Variants in SYNPO observed in about 807,000 individuals in gnomAD.
The protein encoded by SYNPO is synaptopodin.
In SYNPO, 19 loss-of-function variants were observed where a neutral mutation model predicts 49.5. The ratio of observed to expected loss-of-function variants is 0.38; its 90% CI spans 0.27 to 0.56. The LOEUF is 0.56. Ranked by LOEUF, SYNPO falls within the 20% of genes least tolerant of loss-of-function variation. The probability of loss-of-function intolerance (pLI) is 0.68; values close to 1 mark genes in which losing one functional copy is unlikely to be tolerated. For synonymous variants in SYNPO, 536 were observed against 548.0 expected, an observed-to-expected ratio of 0.98 and a Z score of 0.31; for missense variants, 1,131 against 1,248.3, an observed-to-expected ratio of 0.91 and a Z score of 1.42.
rs371226112 is a variant in SYNPO, at chr5:150,629,292, C to T, written c.400+10525C>T. 1.5e-3 allele frequency among the ~76,000 whole-genome samples: 221 copies of T among 152,268 alleles called. 1 individual carries two copies. The highest frequency in any genetic ancestry group is 5.2e-3 in the African/African-American group (218 of 41,548). ...GCTTACAGGCATGAGTCACCATGCC[C>T]GGCCTAGGAACAGGTTTTGATGGTG... On this transcript the variant is annotated intron_variant, in intron 2 of 2. Coordinates refer to the SYNPO transcript ENST00000394243.
At chr5:150,629,062 A>C (rs1420843904) in intron 2 of SYNPO, among the ~76,000 whole-genome samples, 1 of 152,044 alleles carries the variant, frequency 6.6e-6, no homozygotes, top group Non-Finnish European at 1.5e-5. Context: ...TCGGCCACCC[A>C]GGCTGGGGTG....
At chr5:150,591,532 G>A in the SYNPO span, among the ~76,000 whole-genome samples, 1 of 152,188 alleles carries the variant, frequency 6.6e-6, no homozygotes, top group African/African-American at 2.4e-5. Context: ...CCCAAGCCCT[G>A]GTCTCTTGGC....
In SYNPO at chr5:150,649,606, C is replaced by T. The variant is rs148818109; in HGVS notation, c.1331C>T (p.Ala444Val). The part of the protein sequence containing the change: ...PAPRDRASPA[A>V]AEEVVPEWAS... Reference sequence around the variant, plus strand: ...CCTCGTGACAGGGCCAGCCCCGCGGCGGCGGAGGAGGTGGTACCAGAGTGG... The same window carrying T: ...CCTCGTGACAGGGCCAGCCCCGCGGTGGCGGAGGAGGTGGTACCAGAGTGG... Residue 444 changes from alanine (A) to valine (V), a missense_variant, in exon 2 of 3, where the codon GCG (alanine) becomes GTG (valine). Transcript: ENST00000307662. 66 of 1,608,948 alleles carry T rather than the reference C, an allele frequency of 4.1e-5. No homozygotes were observed. The highest frequency in any genetic ancestry group is 3.3e-4 in the Admixed American group (20 of 59,908).
chr5:150,612,573 G>T (rs972700475), intron 1 of SYNPO, among the ~76,000 whole-genome samples: 3 of 152,236 alleles, frequency 2.0e-5, no homozygotes, highest in South Asian at 2.1e-4. Flanking sequence ...TGACTCAATC[G>T]CTCACTAGCT....
chr5:150,589,959 AG>A, the SYNPO span, among the ~76,000 whole-genome samples: 18 of 152,188 alleles, frequency 1.2e-4, no homozygotes, highest in Non-Finnish European at 2.4e-4. Context: ...ATCCCCCGCC[AG>A]GGGTGGCTGC....
chr5:150,640,273 AT>A, upstream of SYNPO: 1 of 662,658 alleles, frequency 1.5e-6, no homozygotes, highest in Non-Finnish European at 1.9e-6. Context: ...AATCTGAAGG[AT>A]TAGGGCATGT....
intron 2 of SYNPO, among the ~76,000 whole-genome samples, chr5:150,631,467 T>C (rs982663494): frequency 6.6e-6 from 1 of 152,192 alleles, no homozygotes; most frequent in Non-Finnish European, 1.5e-5. Context: ...AGTGCTGGGC[T>C]GGCCGAGCAC....
intron 1 of SYNPO, among the ~76,000 whole-genome samples, chr5:150,646,436 T>C (rs1758095409): frequency 6.6e-6 from 1 of 152,188 alleles, no homozygotes; most frequent in African/African-American, 2.4e-5. Flanking sequence ...TAGTGGCGTC[T>C]CTTTATAAAA....
At chr5:150,612,393 C>T (rs1039634883) in intron 1 of SYNPO, among the ~76,000 whole-genome samples, 1 of 152,206 alleles carries the variant, frequency 6.6e-6, no homozygotes, top group African/African-American at 2.4e-5. Context: ...GGCAATGTAC[C>T]AGACATCAGA....
chr5:150,645,212 C>T (rs1239302656), intron 1 of SYNPO, among the ~76,000 whole-genome samples: 1 of 152,166 alleles, frequency 6.6e-6, no homozygotes, highest in Non-Finnish European at 1.5e-5. Context: ...GAATTCAGAG[C>T]CTCGCTGGCA....
At chr5:150,641,480 G>A (rs185493038) in intron 1 of SYNPO, among the ~76,000 whole-genome samples, 3 of 152,248 alleles carry the variant, frequency 2.0e-5, no homozygotes, top group Admixed American at 1.3e-4. Context: ...TGACGGCATC[G>A]TGTGAAGAAG....
chr5:150,648,683 C>T lies in SYNPO; in HGVS notation c.408C>T (p.Thr136=), dbSNP rs199584252. ...NGTGPASKPS[T]LCADGQPQAP... ...CAGGGCCTGCTTCCAAACCCAGCAC[C>T]CTGTGTGCTGATGGGCAACCCCAGG... is the stretch of plus-strand genomic sequence containing the variant. Residue 136 remains threonine (T), a synonymous_variant, in exon 2 of 3, where the codon ACC becomes ACT. Transcript: ENST00000307662. This position sits in a 1 kb window ranked among gnomAD's most constrained non-coding sequence, Gnocchi z 5.0. 5 of 1,614,198 alleles carry T rather than the reference C, an allele frequency of 3.1e-6. No homozygotes were observed. The highest frequency in any genetic ancestry group is 4.2e-6 in the Non-Finnish European group (5 of 1,180,038).
In SYNPO at chr5:150,656,274, CACTACCTG is replaced by C. The variant is rs561950279; in HGVS notation, c.2029-126_2029-119del. On this transcript the variant is annotated intron_variant, in intron 2 of 2. Transcript: ENST00000307662. ...TTGGGCGCCTGCGTTTTATTGCAGGCACTACCTGACTTGGATCGGTGGCTTCCCTTCTC... is the reference window on the plus strand; with the variant it reads ...TTGGGCGCCTGCGTTTTATTGCAGGCACTTGGATCGGTGGCTTCCCTTCTC... 1.5e-4 allele frequency: 103 copies of C among 705,282 alleles called. No individual in the cohort carries two copies. In the African/African-American group the frequency reaches 1.8e-3, roughly 13 times the overall value. 43.7% of individuals were successfully genotyped at this position (705,282 alleles called of 1,614,324 possible).
chr5:150,589,063 A>ATTC, the SYNPO span, among the ~76,000 whole-genome samples: 754 of 145,330 alleles, frequency 5.2e-3, 37 homozygotes, highest in East Asian at 0.11. Flanking sequence ...TGCTTTATAG[A>ATTC]TTTTTTTTTT....
At chr5:150,638,041 C>A (rs1027976634), upstream of SYNPO, among the ~76,000 whole-genome samples, 9 of 151,388 alleles carry the variant, frequency 5.9e-5, 1 homozygote, top group Admixed American at 5.3e-4. Context: ...GGGTGTGTTC[C>A]TCTATCAAAG....
chr5:150,649,477 C>A lies in SYNPO; in HGVS notation c.1202C>A (p.Thr401Lys). ...PNPDLLDLVQ[T>K]ADEKRRQRDQ... is the part of the protein sequence containing the mutation. ...CCAGACTTGCTGGATCTGGTACAGACAGCGGATGAGAAGCGGCGGCAGAGG... is the reference window on the plus strand; with the variant it reads ...CCAGACTTGCTGGATCTGGTACAGAAAGCGGATGAGAAGCGGCGGCAGAGG... Residue 401 changes from threonine (T) to lysine (K), a missense_variant, in exon 2 of 3, where the codon ACA becomes AAA. Coordinates refer to ENST00000307662, the MANE Select transcript of SYNPO (RefSeq NM_007286.6). 6.2e-7 allele frequency: 1 copy of A among 1,614,088 alleles called. No individual in the cohort carries two copies. Among genetic ancestry groups the A allele is most frequent in the Non-Finnish European group, 8.5e-7 (1 of 1,179,970 alleles).
rs1166529907 is a variant in SYNPO, at chr5:150,657,430, T to TCACACACACA, written c.*344_*345insACACACACAC. The TCACACACACA allele has an allele frequency of 1.9e-5, 3 of 156,800 alleles. No homozygotes were observed. The highest frequency in any genetic ancestry group is 4.2e-5 in the African/African-American group (1 of 23,542). The allele number at this position is 156,800 out of a possible 1,614,324, so 9.7% of individuals were successfully genotyped here. ...CACTCTCTCTTTCTCTCTCTCTCTCTCTCACACACACACACACACACACAC... is the reference window on the plus strand; with the variant it reads ...CACTCTCTCTTTCTCTCTCTCTCTCTCACACACACACTCACACACACACACACACACACAC... On this transcript the variant is annotated 3_prime_UTR_variant, in exon 3 of 3. Coordinates refer to ENST00000307662, the MANE Select transcript of SYNPO (RefSeq NM_007286.6).
At chr5:150,628,004 GTGTGTGTGTGTGTTTC>G (rs1299922330) in intron 2 of SYNPO, among the ~76,000 whole-genome samples, 122 of 149,544 alleles carry the variant, frequency 8.2e-4, no homozygotes, top group South Asian at 6.8e-3. Context: ...TTAGTCGTGT[GTGTGTGTGTGTGTTTC>G]TGTGTGTGTG....
At chr5:150,595,739 T>C in the SYNPO span, among the ~76,000 whole-genome samples, 2 of 152,210 alleles carry the variant, frequency 1.3e-5, no homozygotes, top group East Asian at 3.8e-4. Flanking sequence ...ATGTTCACAC[T>C]AAGGCAGCCA....
Sources: gnomAD v4.1 joint callset for allele counts (sites outside exome capture counted in the v4.1 genomes callset) on GRCh38, gnomAD v4.1.1 for gene constraint, Gnocchi (gnomAD v3.1) non-coding constraint, MANE v1.5 for transcripts, NCBI Gene and HGNC (gene_info 2026-07-23, HGNC 2026-07-21) for gene names.